Variants in SLC35E3 observed in about 807,000 individuals in gnomAD.
SLC35E3 encodes the protein bladder cancer-overexpressed gene 1 protein.
Under a neutral mutation model 30.8 loss-of-function variants are expected in SLC35E3, and 28 were observed. The ratio of observed to expected loss-of-function variants is 0.91; its 90% CI spans 0.67 to 1.25. The LOEUF (loss-of-function observed/expected upper bound fraction) is 1.25. Ranked by LOEUF, SLC35E3 falls within the 50% of genes most tolerant of loss-of-function variation. The pLI, the probability that SLC35E3 is intolerant of heterozygous loss-of-function variation, is 0.00. For missense variants in SLC35E3, 365 were observed against 375.4 expected (o/e 0.97, Z 0.23); for synonymous variants, 146 against 149.2 (o/e 0.98, Z 0.16).
intron 4 of SLC35E3, among the ~76,000 whole-genome samples, chr12:68,763,052 G>A (rs535648128): frequency 1.3e-5 from 2 of 152,310 alleles, no homozygotes; most frequent in South Asian, 2.1e-4. Context: ...ATGTTGGGTG[G>A]TTGTATTTGA....
rs1164745885 is a variant in SLC35E3 at position 68,778,352 on chromosome 12, C to G, written c.*13462C>G. ...AGCAGGCAGCAGGGAAGTTAGTAAC[C>G]TTGTCTAATAGGTTATCTGTACTCA... is the stretch of plus-strand genomic sequence containing the variant. On this transcript the variant is annotated 3_prime_UTR_variant, in exon 5 of 5. Coordinates refer to ENST00000398004, the MANE Select transcript of SLC35E3 (RefSeq NM_018656.5). 6.6e-6 allele frequency: 1 copy of G among 151,988 alleles called. No individual in the cohort carries two copies. The highest frequency in any genetic ancestry group is 1.5e-5 in the Non-Finnish European group (1 of 68,006). 9.4% of individuals were successfully genotyped at this position (151,988 alleles called of 1,614,324 possible). A position where few individuals can be genotyped will look rare whatever the true frequency, so the allele number is the denominator to read the frequency against.
intron 2 of SLC35E3, among the ~76,000 whole-genome samples, chr12:68,748,740 TTC>T (rs1428769020): frequency 6.6e-6 from 1 of 152,202 alleles, no homozygotes; most frequent in Non-Finnish European, 1.5e-5. Context: ...TGAAACGGTA[TTC>T]TCTCTATACT....
At chr12:68,756,730 A>T (rs778655454) in intron 3 of SLC35E3, among the ~76,000 whole-genome samples, 1 of 152,218 alleles carries the variant, frequency 6.6e-6, no homozygotes, top group Non-Finnish European at 1.5e-5. Context: ...GGCCAGGCGC[A>T]GTGGCTCACC....
rs1208143830 is a variant in SLC35E3 at position 68,773,527 on chromosome 12, C to T, written c.*8637C>T. The T allele has an allele frequency of 6.6e-6, 1 of 152,246 alleles. No homozygotes were observed. The highest frequency in any genetic ancestry group is 6.6e-5 in the Admixed American group (1 of 15,248). 9.4% of individuals were successfully genotyped at this position (152,246 alleles called of 1,614,324 possible). A position where few individuals can be genotyped will look rare whatever the true frequency, so the allele number is the denominator to read the frequency against. On this transcript the variant is annotated 3_prime_UTR_variant, in exon 5 of 5. Transcript: ENST00000398004. ...GCTCAAGTGATCCTCCCACCTCAGC[C>T]TCCTGAGTAGCTGGGACTACAGGTG...
chr12:68,754,114 G>A (rs144248556), intron 3 of SLC35E3, among the ~76,000 whole-genome samples: 1 of 151,874 alleles, frequency 6.6e-6, no homozygotes, highest in Non-Finnish European at 1.5e-5. Context: ...CAAAGTGCTG[G>A]GATTACAGTC....
Position 68,779,928 on chromosome 12 carries a change from C to T in SLC35E3, c.*15038C>T, listed in dbSNP as rs1217990158. 1 of 151,982 alleles carries T rather than the reference C, an allele frequency of 6.6e-6. No homozygotes were observed. The highest frequency in any genetic ancestry group is 1.5e-5 in the Non-Finnish European group (1 of 68,030). 9.4% of individuals were successfully genotyped at this position (151,982 alleles called of 1,614,324 possible). A position where few individuals can be genotyped will look rare whatever the true frequency, so the allele number is the denominator to read the frequency against. ...CTCCAGCCTGGGCAACAAAGTGAGACCCTGACTCTAAAAGTAAAATTAAAT... is the reference window on the plus strand; with the variant it reads ...CTCCAGCCTGGGCAACAAAGTGAGATCCTGACTCTAAAAGTAAAATTAAAT... On this transcript the variant is annotated 3_prime_UTR_variant, in exon 5 of 5. Coordinates refer to ENST00000398004, the MANE Select transcript of SLC35E3 (RefSeq NM_018656.5).
chr12:68,773,732 G>A lies in SLC35E3; in HGVS notation c.*8842G>A, dbSNP rs1879665517. The A allele has an allele frequency of 6.6e-6, 1 of 152,026 alleles. No homozygotes were observed. Among genetic ancestry groups the A allele is most frequent in the Non-Finnish European group, 1.5e-5 (1 of 68,010 alleles). 9.4% of individuals were successfully genotyped at this position (152,026 alleles called of 1,614,324 possible). A position where few individuals can be genotyped will look rare whatever the true frequency, so the allele number is the denominator to read the frequency against. On this transcript the variant is annotated 3_prime_UTR_variant, in exon 5 of 5. Coordinates refer to ENST00000398004, the MANE Select transcript of SLC35E3 (RefSeq NM_018656.5). ...AAGCAAGATTAACCTTTTTGGACTGGAGTTCTTAGAGAATTATGGTGTGAC... is the reference window on the plus strand; with the variant it reads ...AAGCAAGATTAACCTTTTTGGACTGAAGTTCTTAGAGAATTATGGTGTGAC...
intron 3 of SLC35E3, among the ~76,000 whole-genome samples, chr12:68,757,023 A>C (rs1879043944): frequency 2.0e-5 from 3 of 152,226 alleles, no homozygotes. Context: ...TAAATAAATA[A>C]ATAAATAATG....
Position 68,759,218 on chromosome 12 carries a change from T to C in SLC35E3, c.734T>C (p.Ile245Thr), listed in dbSNP as rs1879155644. The change falls in exon 4 of 5, where the codon ATT becomes ACT. Residue 245 changes from isoleucine (I) to threonine (T), a missense_variant. Physicochemically the swap from Ile to Thr is moderately conservative, Grantham distance 89. Transcript: ENST00000398004. ...GTGAACTTATCAATTTATTGGATCA[T>C]TGGGAACACTTCACCTGTCACGTAT... ...FMVNLSIYWI[I>T]GNTSPVTYNM... 5 of 1,613,114 alleles carry C rather than the reference T, an allele frequency of 3.1e-6. No individual in the cohort carries two copies. Among genetic ancestry groups the C allele is most frequent in the Non-Finnish European group, 3.4e-6 (4 of 1,179,176 alleles).
intron 4 of SLC35E3, among the ~76,000 whole-genome samples, chr12:68,762,817 G>A (rs1879268999): frequency 6.6e-6 from 1 of 152,192 alleles, no homozygotes; most frequent in Non-Finnish European, 1.5e-5. Flanking sequence ...ACCTTCATGG[G>A]ATCAAGCCAC....
chr12:68,759,096 CT>C, intron 3 of SLC35E3, 60 bp from the exon 4 acceptor site: 1 of 1,148,824 alleles, frequency 8.7e-7, no homozygotes. Context: ...TGAAATGTAT[CT>C]TTGCTTGATG....
rs752812604 is a variant in SLC35E3, at chr12:68,746,386, G to A, written c.9G>A (p.Leu3=). MA[L]LVDRVRGHWR... The stretch of plus-strand genomic sequence containing the variant: ...CCAGCTTCGCGGGGATCATGGCATT[G>A]CTGGTGGACCGAGTGCGGGGCCACT... The change falls in exon 1 of 5, where the codon TTG becomes TTA. Residue 3 remains leucine, a synonymous_variant. Transcript: ENST00000398004. 1 of 1,591,846 alleles carries A rather than the reference G, an allele frequency of 6.3e-7. No homozygotes were observed. The highest frequency in any genetic ancestry group is 8.6e-7 in the Non-Finnish European group (1 of 1,167,938).
chr12:68,751,929 G>C (rs1878810534), intron 2 of SLC35E3, 103 bp from the exon 3 acceptor site: 2 of 1,139,512 alleles, frequency 1.8e-6, no homozygotes, highest in Non-Finnish European at 2.5e-6. Flanking sequence ...TCTTCCCCTA[G>C]TCTATACCCC....
rs1277208508 is a variant in SLC35E3 at position 68,765,157 on chromosome 12, G to C, written c.*267G>C. 1 of 210,706 alleles carries C rather than the reference G, an allele frequency of 4.7e-6. No individual in the cohort carries two copies. The highest frequency in any genetic ancestry group is 9.5e-6 in the Non-Finnish European group (1 of 105,162). 13.1% of individuals were successfully genotyped at this position (210,706 alleles called of 1,614,324 possible). A position where few individuals can be genotyped will look rare whatever the true frequency, so the allele number is the denominator to read the frequency against. On this transcript the variant is annotated 3_prime_UTR_variant, in exon 5 of 5. Coordinates refer to ENST00000398004, the MANE Select transcript of SLC35E3 (RefSeq NM_018656.5). ...TGTAATCCCAGCTACTCGGGAGGCT[G>C]AGGCAGGAGAATCACTTGAACCCGG...
At chr12:68,756,064 C>G (rs1319757131) in intron 3 of SLC35E3, among the ~76,000 whole-genome samples, 1 of 152,100 alleles carries the variant, frequency 6.6e-6, no homozygotes, top group African/African-American at 2.4e-5. Flanking sequence ...CTCTGCTTCC[C>G]CTAAGTAGAC....
At chr12:68,758,336 T>C (rs1233011765) in intron 3 of SLC35E3, among the ~76,000 whole-genome samples, 1 of 151,782 alleles carries the variant, frequency 6.6e-6, no homozygotes, top group Non-Finnish European at 1.5e-5. Context: ...AGGAGAATCA[T>C]TTGAATCTGG....
At chr12:68,764,036 C>G (rs1018664637) in intron 4 of SLC35E3, among the ~76,000 whole-genome samples, 4 of 152,170 alleles carry the variant, frequency 2.6e-5, no homozygotes, top group Non-Finnish European at 5.9e-5. Flanking sequence ...CTCCCTCTCC[C>G]CCTCCCTCTT....
chr12:68,752,469 G>A (rs1878840397), intron 3 of SLC35E3, among the ~76,000 whole-genome samples: 1 of 152,178 alleles, frequency 6.6e-6, no homozygotes, highest in African/African-American at 2.4e-5. Flanking sequence ...ACCATGTCAA[G>A]CTAGAGCCCA....
intron 4 of SLC35E3, among the ~76,000 whole-genome samples, chr12:68,764,037 C>T (rs1440754928): frequency 6.6e-6 from 1 of 152,184 alleles, no homozygotes; most frequent in African/African-American, 2.4e-5. Context: ...TCCCTCTCCC[C>T]CTCCCTCTTT....
Sources: gnomAD v4.1 joint callset for allele counts (sites outside exome capture counted in the v4.1 genomes callset) on GRCh38, gnomAD v4.1.1 for gene constraint, MANE v1.5 for transcripts, NCBI Gene and HGNC (gene_info 2026-07-23, HGNC 2026-07-21) for gene names.